The following GPC5 variants were observed in gnomAD, a reference collection of about 807,000 sequenced individuals.
GPC5 encodes glypican 5, also known as glypican-5.
Under a neutral mutation model 53.9 loss-of-function variants are expected in GPC5, and 47 were observed. That is an observed-to-expected ratio of 0.87 (90% CI 0.69 to 1.11). GPC5 has a LOEUF of 1.11. Among genes scored for constraint, GPC5 ranks in the 50% most tolerant of loss-of-function variants. The probability of loss-of-function intolerance (pLI) is 0.00; values close to 1 mark genes in which losing one functional copy is unlikely to be tolerated. For missense variants in GPC5, 748 were observed against 713.1 expected (o/e 1.05, Z -0.56); for synonymous variants, 286 against 263.3 (o/e 1.09, Z -0.84).
chr13:92,447,255 T>G (rs1877866016), intron 7 of GPC5: 1 of 152,136 alleles, frequency 6.6e-6, no homozygotes, highest in Non-Finnish European at 1.5e-5. Flanking sequence ...TTTAGTCATT[T>G]CACAGTTTGA....
intron 7 of GPC5, among the ~76,000 whole-genome samples, chr13:92,547,814 T>C (rs901256312): frequency 7.4e-6 from 1 of 135,840 alleles, no homozygotes; most frequent in African/African-American, 2.8e-5. Context: ...ATTATGCCTA[T>C]TATTCTTTTT....
chr13:91,671,780 C>CCAAAAAAAA (rs2035249718), intron 2 of GPC5, among the ~76,000 whole-genome samples: 1 of 33,126 alleles, frequency 3.0e-5, no homozygotes, highest in Non-Finnish European at 5.8e-5. Context: ...CAATCTGAAG[C>CCAAAAAAAA]AAAAAAAAAA....
At chr13:92,750,995 T>C (rs143552474) in intron 7 of GPC5, among the ~76,000 whole-genome samples, 8 of 152,308 alleles carry the variant, frequency 5.3e-5, no homozygotes, top group African/African-American at 1.2e-4. Context: ...TTTATTTTCA[T>C]CCATTGTTTA....
At chr13:92,697,101 C>G (rs1195123827) in intron 7 of GPC5, among the ~76,000 whole-genome samples, 1 of 150,834 alleles carries the variant, frequency 6.6e-6, no homozygotes, top group Non-Finnish European at 1.5e-5. Context: ...GTTACTGTAG[C>G]CTTGTAGCAT....
chr13:92,351,574 T>G (rs955939692), intron 7 of GPC5, among the ~76,000 whole-genome samples: 7 of 152,070 alleles, frequency 4.6e-5, no homozygotes. Flanking sequence ...TTTTTCCATA[T>G]GATGTTATTT....
intron 1 of GPC5, among the ~76,000 whole-genome samples, chr13:91,433,499 C>G (rs1879660846): frequency 6.6e-6 from 1 of 152,010 alleles, no homozygotes; most frequent in South Asian, 2.1e-4. Context: ...TGGTTTCCAG[C>G]TTCATCCATG....
chr13:92,257,988 ATTTG>A (rs1390313652), intron 7 of GPC5, among the ~76,000 whole-genome samples: 1 of 152,190 alleles, frequency 6.6e-6, no homozygotes, highest in Admixed American at 6.6e-5. Context: ...TTAAAAAGTA[ATTTG>A]TTTTAGTTCT....
chr13:92,033,371 A>G (rs1454991560), intron 6 of GPC5, among the ~76,000 whole-genome samples: 6 of 152,170 alleles, frequency 3.9e-5, no homozygotes, highest in Admixed American at 3.9e-4. Flanking sequence ...ATGAGGTTCA[A>G]GAAATACAAG....
chr13:92,497,767 C>T (rs1880031662), intron 7 of GPC5, among the ~76,000 whole-genome samples: 2 of 151,932 alleles, frequency 1.3e-5, no homozygotes, highest in Non-Finnish European at 2.9e-5. Flanking sequence ...TGTCTGTGTC[C>T]TCTCTTATTT....
intron 7 of GPC5, among the ~76,000 whole-genome samples, chr13:92,236,584 T>G (rs896847231): frequency 2.6e-5 from 4 of 152,170 alleles, no homozygotes; most frequent in African/African-American, 9.6e-5. Context: ...TAGTATTATT[T>G]CAATATGAAT....
intron 5 of GPC5, among the ~76,000 whole-genome samples, chr13:91,827,153 A>G (rs1377416537): frequency 6.6e-6 from 1 of 152,010 alleles, no homozygotes; most frequent in Non-Finnish European, 1.5e-5. Context: ...TGATCATTAC[A>G]TATTGTGTGT....
At chr13:92,316,231 A>C (rs1000530691) in intron 7 of GPC5, among the ~76,000 whole-genome samples, 7 of 152,158 alleles carry the variant, frequency 4.6e-5, no homozygotes, top group Non-Finnish European at 1.0e-4. Context: ...ATTGCTGACC[A>C]ACACCTTTTT....
At chr13:92,741,830 C>A (rs1229141398) in intron 7 of GPC5, among the ~76,000 whole-genome samples, 1 of 151,930 alleles carries the variant, frequency 6.6e-6, no homozygotes, top group South Asian at 2.1e-4. Context: ...AGTAAGAACA[C>A]GCGGTGTTTG....
At chr13:91,675,157 CAG>C (rs1491472081) in intron 2 of GPC5, among the ~76,000 whole-genome samples, 2 of 138,422 alleles carry the variant, frequency 1.4e-5, no homozygotes, top group South Asian at 2.3e-4. Flanking sequence ...AAAAAAAACT[CAG>C]GGGAAAAAAA....
chr13:92,457,619 T>C (rs575431853), intron 7 of GPC5, among the ~76,000 whole-genome samples: 2 of 152,328 alleles, frequency 1.3e-5, no homozygotes, highest in South Asian at 4.1e-4. Flanking sequence ...CAACTCTTCA[T>C]CATAGTATTC....
chr13:92,159,569 T>C (rs1302195388), intron 7 of GPC5, among the ~76,000 whole-genome samples: 1 of 150,866 alleles, frequency 6.6e-6, no homozygotes, highest in African/African-American at 2.4e-5. Context: ...ATTGCTGCTC[T>C]ATGTAATCAC....
chr13:92,197,195 A>G (rs7326993), intron 7 of GPC5, among the ~76,000 whole-genome samples: 84,332 of 151,720 alleles, frequency 0.56, 23,684 homozygotes, highest in Middle Eastern at 0.69. Context: ...CCCTTCTCTG[A>G]GGTTCCAAGG....
At chr13:92,653,775 A>C (rs2139170550) in intron 7 of GPC5, among the ~76,000 whole-genome samples, 1 of 152,304 alleles carries the variant, frequency 6.6e-6, no homozygotes, top group East Asian at 1.9e-4. Flanking sequence ...ATGCCTCAGC[A>C]GGGAAGGATC....
intron 7 of GPC5, among the ~76,000 whole-genome samples, chr13:92,211,038 AT>A (rs2042371197): frequency 6.6e-6 from 1 of 152,164 alleles, no homozygotes; most frequent in Non-Finnish European, 1.5e-5. Flanking sequence ...AAGTTATTTT[AT>A]TTTGAATTGG....
Sources: gnomAD v4.1 joint callset for allele counts (sites outside exome capture counted in the v4.1 genomes callset) on GRCh38, gnomAD v4.1.1 for gene constraint, MANE v1.5 for transcripts, NCBI Gene and HGNC (gene_info 2026-07-23, HGNC 2026-07-21) for gene names.